The following PCGF5 variants were observed in gnomAD, a reference collection of about 807,000 sequenced individuals.
PCGF5 encodes polycomb group RING finger protein 5.
Under a neutral mutation model 44.3 loss-of-function variants are expected in PCGF5, and 9 were observed. That is an observed-to-expected ratio of 0.20 (90% CI 0.12 to 0.35). The LOEUF (loss-of-function observed/expected upper bound fraction) is 0.35, where lower values mean the gene tolerates loss of function less well. Among genes scored for constraint, PCGF5 ranks in the 10% least tolerant of loss-of-function variants. PCGF5 has a pLI of 1.00. For synonymous variants in PCGF5, 95 were observed against 102.5 expected, an observed-to-expected ratio of 0.93 and a Z score of 0.44; for missense variants, 146 against 305.3, an observed-to-expected ratio of 0.48 and a Z score of 3.89.
intron 1 of PCGF5, among the ~76,000 whole-genome samples, chr10:91,165,779 G>A (rs1843489721): frequency 6.6e-6 from 1 of 152,174 alleles, no homozygotes; most frequent in Admixed American, 6.5e-5. Flanking sequence ...GTGATATAAT[G>A]TAAAAAGGAT....
chr10:91,221,522 T>C (rs1844679627), intron 1 of PCGF5, among the ~76,000 whole-genome samples: 2 of 152,198 alleles, frequency 1.3e-5, no homozygotes, highest in African/African-American at 2.4e-5. Flanking sequence ...CCCAAGAGGA[T>C]AGGATGATTA....
At chr10:91,217,039 C>CT (rs10657090), upstream of PCGF5, among the ~76,000 whole-genome samples, 12,521 of 148,550 alleles carry the variant, frequency 0.084, 739 homozygotes, top group African/African-American at 0.17. Flanking sequence ...AAAATTTCAC[C>CT]TTTTTTTTTT....
intron 6 of PCGF5, 140 bp from the exon 7 acceptor site, chr10:91,261,186 C>G: frequency 9.2e-7 from 1 of 1,083,744 alleles, no homozygotes; most frequent in Non-Finnish European, 1.2e-6. Context: ...TACTAAAAAG[C>G]TATAAATTGA....
At chr10:91,255,800 G>A (rs978961574) in intron 6 of PCGF5, among the ~76,000 whole-genome samples, 1 of 151,968 alleles carries the variant, frequency 6.6e-6, no homozygotes, top group Admixed American at 6.6e-5. Context: ...ATATGTTGGG[G>A]ATTCATTCCA....
At chr10:91,246,957 GGATAGATGGATAGATA>G (rs1488166098) in intron 3 of PCGF5, among the ~76,000 whole-genome samples, 9 of 102,072 alleles carry the variant, frequency 8.8e-5, no homozygotes, top group East Asian at 5.7e-4. Flanking sequence ...ATAGATAGAT[GGATAGATGGATAGATA>G]GATAGATAGA....
At chr10:91,221,674 A>G (rs1047430595) in intron 1 of PCGF5, among the ~76,000 whole-genome samples, 2 of 152,064 alleles carry the variant, frequency 1.3e-5, no homozygotes, top group Admixed American at 6.5e-5. Flanking sequence ...ACTTAGGAAA[A>G]TCAACACCTT....
chr10:91,165,664 T>G (rs922104989), intron 1 of PCGF5, among the ~76,000 whole-genome samples: 1 of 152,222 alleles, frequency 6.6e-6, no homozygotes, highest in Non-Finnish European at 1.5e-5. Flanking sequence ...TCTGATTTGT[T>G]GTTGTTCATG....
chr10:91,232,518 A>G (rs760393095), intron 2 of PCGF5, among the ~76,000 whole-genome samples: 11 of 151,992 alleles, frequency 7.2e-5, no homozygotes, highest in Non-Finnish European at 1.5e-4. Context: ...TGAGCTGGGG[A>G]AATATGTTTA....
At chr10:91,205,598 A>T (rs1844333569) in intron 1 of PCGF5, among the ~76,000 whole-genome samples, 2 of 152,184 alleles carry the variant, frequency 1.3e-5, no homozygotes. Flanking sequence ...TCCTCTATCC[A>T]TCAAACACCT....
intron 9 of PCGF5, among the ~76,000 whole-genome samples, chr10:91,277,416 T>C (rs1203631175): frequency 6.6e-6 from 1 of 152,192 alleles, no homozygotes; most frequent in African/African-American, 2.4e-5. Flanking sequence ...TAAGAGAGAG[T>C]ATCTACAGCT....
chr10:91,262,142 A>G (rs1845928976), intron 7 of PCGF5, among the ~76,000 whole-genome samples: 1 of 152,192 alleles, frequency 6.6e-6, no homozygotes, highest in African/African-American at 2.4e-5. Flanking sequence ...ATTAAAGACC[A>G]GGCCAGGCGT....
At chr10:91,248,352 G>A (rs1021755737) in intron 3 of PCGF5, among the ~76,000 whole-genome samples, 153 bp from the exon 4 acceptor site, 1 of 152,100 alleles carries the variant, frequency 6.6e-6, no homozygotes, top group African/African-American at 2.4e-5. Context: ...CTGTAAATAA[G>A]TGTGTTCCAT....
chr10:91,221,520 G>A lies in PCGF5; in HGVS notation c.-184+684G>A, dbSNP rs1282183575. Among the ~76,000 whole-genome samples, 3 of 152,190 alleles carry A rather than the reference G, an allele frequency of 2.0e-5. No homozygotes were observed. The East Asian group carries it at 5.8e-4, about 29-fold the overall frequency. On this transcript the variant is annotated intron_variant, in intron 1 of 9. Transcript: ENST00000336126. ...ACGCACGAATACGGTTTCCCAAGAG[G>A]ATAGGATGATTACACGTAGAGCCTA...
intron 1 of PCGF5, among the ~76,000 whole-genome samples, chr10:91,211,591 G>C (rs1207844024): frequency 6.6e-6 from 1 of 152,182 alleles, no homozygotes; most frequent in Admixed American, 6.5e-5. Context: ...GTCTCCAGCA[G>C]TTCTTCTATC....
chr10:91,277,891 G>A (rs150475474), intron 9 of PCGF5, among the ~76,000 whole-genome samples: 1,557 of 152,100 alleles, frequency 0.01, 13 homozygotes, highest in Middle Eastern at 0.02. Flanking sequence ...TGGAATCCAG[G>A]CTGCTGATCT....
intron 3 of PCGF5, among the ~76,000 whole-genome samples, chr10:91,243,632 C>T (rs1290453643): frequency 6.6e-6 from 1 of 152,120 alleles, no homozygotes; most frequent in Non-Finnish European, 1.5e-5. Context: ...CCACATGTGG[C>T]TCTTAAGCAC....
intron 1 of PCGF5, among the ~76,000 whole-genome samples, chr10:91,166,880 A>G (rs1843510344): frequency 2.6e-5 from 4 of 152,172 alleles, no homozygotes; most frequent in African/African-American, 9.7e-5. Flanking sequence ...GCTCTTAATA[A>G]ATGGTAACTG....
chr10:91,174,519 T>C (rs1434028806), intron 1 of PCGF5, among the ~76,000 whole-genome samples: 1 of 152,164 alleles, frequency 6.6e-6, no homozygotes, highest in Non-Finnish European at 1.5e-5. Flanking sequence ...AACAAAAAAC[T>C]GTATTTTTAT....
At chr10:91,212,208 A>G (rs1471210563) in intron 1 of PCGF5, among the ~76,000 whole-genome samples, 1 of 152,238 alleles carries the variant, frequency 6.6e-6, no homozygotes, top group Non-Finnish European at 1.5e-5. Context: ...AGGTTAATTG[A>G]AGCTTGAGAA....
Sources: allele counts gnomAD v4.1 joint callset (sites outside exome capture counted in the v4.1 genomes callset), GRCh38; gene constraint gnomAD v4.1.1; transcripts MANE v1.5; gene names NCBI Gene and HGNC (gene_info 2026-07-23, HGNC 2026-07-21).